Variants in KPNA3 observed in about 807,000 individuals in gnomAD.
The protein encoded by KPNA3 is karyopherin subunit alpha 3.
KPNA3 carries 13 observed loss-of-function variants against 73.8 expected under a neutral mutation model. The observed-to-expected ratio is 0.18, with a 90% CI of 0.11 to 0.28. The LOEUF (loss-of-function observed/expected upper bound fraction) is 0.28, where lower values mean the gene tolerates loss of function less well. KPNA3 is among the 10% of genes least tolerant of loss of function. KPNA3 has a pLI of 1.00. For missense variants in KPNA3, 360 were observed against 618.1 expected, an observed-to-expected ratio of 0.58 and a Z score of 4.43; for synonymous variants, 186 against 206.9, an observed-to-expected ratio of 0.90 and a Z score of 0.87.
chr13:49,761,498 C>T, intron 1 of KPNA3, among the ~76,000 whole-genome samples: 1 of 151,660 alleles, frequency 6.6e-6, no homozygotes, highest in Non-Finnish European at 1.5e-5. Context: ...GCCTCGGCCT[C>T]CCGAGGTGCC....
intron 2 of KPNA3, among the ~76,000 whole-genome samples, chr13:49,744,723 ATT>A (rs1399648740): frequency 6.6e-6 from 1 of 152,162 alleles, no homozygotes; most frequent in Admixed American, 6.5e-5. Context: ...ATTTTTTGAA[ATT>A]TAGTAAATAT....
intron 15 of KPNA3, among the ~76,000 whole-genome samples, chr13:49,703,196 T>TTA (rs1954166139): frequency 6.9e-6 from 1 of 144,278 alleles, no homozygotes. Flanking sequence ...TTTTTTTTTT[T>TTA]TTTTTGAGAC....
intron 1 of KPNA3, among the ~76,000 whole-genome samples, chr13:49,755,764 C>G (rs1954705840): frequency 1.3e-5 from 2 of 152,054 alleles, no homozygotes; most frequent in Admixed American, 1.3e-4. Context: ...GCACTCCAGC[C>G]TGGCGACAGA....
chr13:49,733,599 A>G (rs1295114220), intron 2 of KPNA3, among the ~76,000 whole-genome samples: 1 of 152,122 alleles, frequency 6.6e-6, no homozygotes, highest in Admixed American at 6.6e-5. Context: ...TATTTGCGTA[A>G]GTTTGCTCAT....
At chr13:49,762,853 A>C (rs541367114) in intron 1 of KPNA3, among the ~76,000 whole-genome samples, 1 of 151,722 alleles carries the variant, frequency 6.6e-6, no homozygotes, top group South Asian at 2.1e-4. Flanking sequence ...ACACCCAAGA[A>C]TGATCAATAA....
At chr13:49,766,988 CAA>C (rs138655394) in intron 1 of KPNA3, among the ~76,000 whole-genome samples, 2,432 of 137,738 alleles carry the variant, frequency 0.018, 55 homozygotes, top group African/African-American at 0.062. Flanking sequence ...CAGAGGTAAT[CAA>C]GTTAGGATTT....
At chr13:49,790,570 T>C (rs1446772788) in intron 1 of KPNA3, among the ~76,000 whole-genome samples, 1 of 152,268 alleles carries the variant, frequency 6.6e-6, no homozygotes, top group Non-Finnish European at 1.5e-5. Context: ...TCTGCCACAT[T>C]AGAACTACCA....
intron 11 of KPNA3, 32 bp from the exon 12 acceptor site, chr13:49,709,732 T>G: frequency 6.3e-7 from 1 of 1,593,204 alleles, no homozygotes; most frequent in Non-Finnish European, 8.5e-7. Context: ...TTCTATAAAT[T>G]TATTTGCTTA....
At chr13:49,730,711 T>C (rs1467837832) in intron 6 of KPNA3, among the ~76,000 whole-genome samples, 1 of 150,478 alleles carries the variant, frequency 6.6e-6, no homozygotes, top group Admixed American at 6.6e-5. Context: ...GCTGGTGTGC[T>C]GCACCCATTA....
intron 1 of KPNA3, among the ~76,000 whole-genome samples, chr13:49,767,710 T>C (rs1954820157): frequency 6.6e-6 from 1 of 152,152 alleles, no homozygotes; most frequent in East Asian, 1.9e-4. Context: ...CCTGAACCTA[T>C]TACTTAACCT....
chr13:49,748,132 C>T (rs1173661920), intron 1 of KPNA3, among the ~76,000 whole-genome samples: 2 of 152,164 alleles, frequency 1.3e-5, no homozygotes, highest in African/African-American at 4.8e-5. Context: ...TTATGAACTA[C>T]CTTACATTCT....
intron 16 of KPNA3, among the ~76,000 whole-genome samples, chr13:49,702,113 T>C (rs560497198): frequency 1.1e-4 from 16 of 152,342 alleles, no homozygotes; most frequent in South Asian, 4.1e-4. Context: ...ATCTGGGACC[T>C]AGATTTATTT....
At chr13:49,725,672 C>G (rs1453512872) in intron 6 of KPNA3, among the ~76,000 whole-genome samples, 171 bp from the exon 7 acceptor site, 1 of 148,448 alleles carries the variant, frequency 6.7e-6, no homozygotes. Flanking sequence ...GAGATGGAGT[C>G]TCCCTCCATC....
intron 1 of KPNA3, among the ~76,000 whole-genome samples, chr13:49,760,989 G>T (rs1362277603): frequency 6.6e-6 from 1 of 151,948 alleles, no homozygotes; most frequent in Non-Finnish European, 1.5e-5. Flanking sequence ...GTGTGATAAT[G>T]GTATCGTGTT....
chr13:49,767,892 T>A (rs2137590332), intron 1 of KPNA3, among the ~76,000 whole-genome samples: 1 of 152,348 alleles, frequency 6.6e-6, no homozygotes, highest in Middle Eastern at 3.4e-3. Flanking sequence ...AAACTTGTGC[T>A]TTATTACTAA....
intron 9 of KPNA3, among the ~76,000 whole-genome samples, chr13:49,721,593 G>A (rs1954358985): frequency 6.6e-6 from 1 of 152,194 alleles, no homozygotes; most frequent in Middle Eastern, 3.2e-3. Context: ...GCCGAGGCGG[G>A]CAGATCACGA....
At chr13:49,750,351 C>T (rs1459548835) in intron 1 of KPNA3, among the ~76,000 whole-genome samples, 3 of 152,150 alleles carry the variant, frequency 2.0e-5, no homozygotes, top group Admixed American at 1.3e-4. Flanking sequence ...ACTATTTGTC[C>T]TTTTAAGGAA....
At chr13:49,737,014 T>C (rs1765496732) in intron 2 of KPNA3, among the ~76,000 whole-genome samples, 1 of 152,234 alleles carries the variant, frequency 6.6e-6, no homozygotes. Flanking sequence ...CAACAATTGT[T>C]GCTTATATAA....
chr13:49,708,348 TGTCA>T (rs1195895738), intron 12 of KPNA3, among the ~76,000 whole-genome samples: 2 of 152,304 alleles, frequency 1.3e-5, no homozygotes, highest in Non-Finnish European at 2.9e-5. Context: ...CTACTAGGAT[TGTCA>T]GTAATTTTTT....
Sources: allele counts gnomAD v4.1 joint callset (sites outside exome capture counted in the v4.1 genomes callset), GRCh38; gene constraint gnomAD v4.1.1; transcripts MANE v1.5; gene names NCBI Gene and HGNC (gene_info 2026-07-23, HGNC 2026-07-21).